The following KCNN3 variants were observed in gnomAD, a reference collection of about 807,000 sequenced individuals.
The protein encoded by KCNN3 is potassium calcium-activated channel subfamily N member 3.
KCNN3 carries 16 observed loss-of-function variants against 62.9 expected under a neutral mutation model. That is an observed-to-expected ratio of 0.25 (90% confidence interval 0.17 to 0.39). KCNN3 has a LOEUF of 0.39. Among genes scored for constraint, KCNN3 ranks in the 10% least tolerant of loss-of-function variants. The pLI is 1.00. For synonymous variants in KCNN3, 370 were observed against 389.2 expected (o/e 0.95, Z 0.58); for missense variants, 599 against 949.4 (o/e 0.63, Z 4.85).
chr1:154,732,903 C>A (rs1700627320), intron 4 of KCNN3, 100 bp downstream of exon 4: 2 of 1,355,440 alleles, frequency 1.5e-6, no homozygotes, highest in Non-Finnish European at 1.1e-6. Context: ...AACAGCCACC[C>A]CCCGCTCTGC....
intron 2 of KCNN3, among the ~76,000 whole-genome samples, chr1:154,798,857 G>C (rs1022856959): frequency 1.3e-5 from 2 of 151,536 alleles, no homozygotes; most frequent in Non-Finnish European, 2.9e-5. Flanking sequence ...ACTGTGGGCA[G>C]ACTGGTGAGA....
At chr1:154,775,148 C>T (rs1447328725) in intron 2 of KCNN3, among the ~76,000 whole-genome samples, 1 of 152,198 alleles carries the variant, frequency 6.6e-6, no homozygotes. Flanking sequence ...GAAGCTTCTG[C>T]TCTGCTTCAA....
intron 1 of KCNN3, among the ~76,000 whole-genome samples, chr1:154,853,524 C>A (rs1191263621): frequency 2.6e-5 from 4 of 151,696 alleles, no homozygotes; most frequent in Non-Finnish European, 2.9e-5. Context: ...GTTTAGAAGG[C>A]GTCTCACTAT....
intron 5 of KCNN3, among the ~76,000 whole-genome samples, chr1:154,725,164 C>T (rs1700435430): frequency 6.6e-6 from 1 of 152,086 alleles, no homozygotes; most frequent in Non-Finnish European, 1.5e-5. Context: ...TAGAATGATT[C>T]TTTAAATGAT....
intron 2 of KCNN3, among the ~76,000 whole-genome samples, chr1:154,798,774 A>G (rs1209505319): frequency 2.0e-5 from 3 of 152,214 alleles, no homozygotes; most frequent in African/African-American, 4.8e-5. Context: ...AAGTTACACA[A>G]CTAAGAAGTG....
intron 1 of KCNN3, among the ~76,000 whole-genome samples, chr1:154,837,951 A>G (rs1651662930): frequency 6.6e-6 from 1 of 152,120 alleles, no homozygotes; most frequent in Admixed American, 6.6e-5. Context: ...GCGGGGAGGA[A>G]GGCGCTCTCG....
At chr1:154,845,725 A>G (rs1652028830) in intron 1 of KCNN3, among the ~76,000 whole-genome samples, 1 of 152,178 alleles carries the variant, frequency 6.6e-6, no homozygotes, top group South Asian at 2.1e-4. Context: ...TGCCCCAGCC[A>G]GTCCCAAGGG....
chr1:154,716,404 G>A (rs916675698), intron 5 of KCNN3, among the ~76,000 whole-genome samples: 18 of 152,218 alleles, frequency 1.2e-4, no homozygotes, highest in African/African-American at 4.3e-4. Flanking sequence ...TAGCCAGAAA[G>A]GATTTTAATA....
intron 2 of KCNN3, among the ~76,000 whole-genome samples, chr1:154,797,457 A>C (rs940933007): frequency 6.6e-6 from 1 of 152,236 alleles, no homozygotes; most frequent in Non-Finnish European, 1.5e-5. Flanking sequence ...ACAATACCAA[A>C]GTAACTTTCA....
Position 154,772,006 on chromosome 1 carries a change from T to C in KCNN3, c.1417A>G (p.Ile473Val), listed in dbSNP as rs779417955. Residue 473 changes from isoleucine (I) to valine (V), a missense_variant, in exon 3 of 8, where the codon ATT becomes GTT. By Grantham distance (29) the Ile-to-Val change is conservative. Coordinates refer to ENST00000271915, the MANE Select transcript of KCNN3 (RefSeq NM_002249.6). The surrounding 1 kb of genome is among the most constrained non-coding windows in gnomAD (Gnocchi z 5.6). The part of the protein sequence containing the change: ...LLVFSISLWI[I>V]AAWTVRVCER... Reference sequence around the variant, plus strand: ...CAGACACGGACGGTCCAGGCAGCAATGATCCACAGAGAGATGCTGAACACG... The same window carrying C: ...CAGACACGGACGGTCCAGGCAGCAACGATCCACAGAGAGATGCTGAACACG... 5 of 1,613,944 alleles carry C rather than the reference T, an allele frequency of 3.1e-6. No homozygotes were observed. The Admixed American group carries it at 6.7e-5, about 22-fold the overall frequency.
At chr1:154,805,504 T>A (rs1650134814) in intron 2 of KCNN3, among the ~76,000 whole-genome samples, 2 of 152,238 alleles carry the variant, frequency 1.3e-5, no homozygotes, top group Non-Finnish European at 2.9e-5. Flanking sequence ...TCAGAGTTTA[T>A]GCAGTATTAT....
intron 1 of KCNN3, among the ~76,000 whole-genome samples, chr1:154,828,084 G>A (rs893140707): frequency 6.6e-6 from 1 of 152,134 alleles, no homozygotes; most frequent in African/African-American, 2.4e-5. Flanking sequence ...CCTGAGAAGG[G>A]AGAAGGGCCT....
chr1:154,725,675 C>A (rs1201247677), intron 5 of KCNN3, among the ~76,000 whole-genome samples: 1 of 152,038 alleles, frequency 6.6e-6, no homozygotes, highest in East Asian at 1.9e-4. Context: ...TCCTGAGTAG[C>A]TGGGACTACA....
At chr1:154,846,519 AC>A (rs1236406828) in intron 1 of KCNN3, among the ~76,000 whole-genome samples, 2 of 152,168 alleles carry the variant, frequency 1.3e-5, no homozygotes. Context: ...CACAGCAATA[AC>A]AAAAACCAGA....
intron 2 of KCNN3, among the ~76,000 whole-genome samples, chr1:154,813,405 G>T (rs1047303961): frequency 3.9e-5 from 6 of 152,060 alleles, no homozygotes; most frequent in Non-Finnish European, 8.8e-5. Flanking sequence ...TCAGCCTCCC[G>T]GGCCGCCTCC....
At chr1:154,744,202 A>G (rs1700887169) in intron 3 of KCNN3, among the ~76,000 whole-genome samples, 1 of 142,298 alleles carries the variant, frequency 7.0e-6, no homozygotes, top group African/African-American at 2.7e-5. Context: ...CTGTATCCCT[A>G]GTACTCAATA....
At chr1:154,767,314 G>A (rs1648340531) in intron 3 of KCNN3, among the ~76,000 whole-genome samples, 1 of 152,206 alleles carries the variant, frequency 6.6e-6, no homozygotes, top group Admixed American at 6.5e-5. Flanking sequence ...TTGACAGACT[G>A]GAAGGCCTGG....
chr1:154,854,991 G>A (rs1652462917), intron 1 of KCNN3, among the ~76,000 whole-genome samples: 1 of 152,152 alleles, frequency 6.6e-6, no homozygotes, highest in South Asian at 2.1e-4. Flanking sequence ...GCCAAGGCGG[G>A]TGGATCACTT....
intron 1 of KCNN3, among the ~76,000 whole-genome samples, chr1:154,851,599 T>C (rs114507934): frequency 0.024 from 3,694 of 152,278 alleles, 57 homozygotes; most frequent in Non-Finnish European, 0.037. Context: ...TTCCCCTTTC[T>C]CTCACCACTG....
Sources: allele counts gnomAD v4.1 joint callset (sites outside exome capture counted in the v4.1 genomes callset), GRCh38; gene constraint gnomAD v4.1.1; non-coding constraint Gnocchi (gnomAD v3.1); transcripts MANE v1.5; gene names NCBI Gene and HGNC (gene_info 2026-07-23, HGNC 2026-07-21).